The following KCNK13 variants were observed in gnomAD, a reference collection of about 807,000 sequenced individuals.
KCNK13 encodes the protein potassium two pore domain channel subfamily K member 13.
KCNK13 carries 12 observed loss-of-function variants against 23.4 expected under a neutral mutation model. The ratio of observed to expected loss-of-function variants is 0.51; its 90% CI spans 0.33 to 0.83. KCNK13 has a LOEUF of 0.83. KCNK13 is among the 40% of genes least tolerant of loss of function. The pLI is 0.02. For synonymous variants in KCNK13, 231 were observed against 229.5 expected (o/e 1.01, Z -0.06); for missense variants, 463 against 556.3 (o/e 0.83, Z 1.69).
rs1451975372 is a variant in KCNK13 at position 90,062,151 on chromosome 14, G to C, written c.-55G>C. The C allele has an allele frequency of 4.2e-6, 5 of 1,181,008 alleles. No individual in the cohort carries two copies. Among genetic ancestry groups the C allele is most frequent in the Admixed American group, 4.1e-5 (1 of 24,226 alleles). The allele number at this position is 1,181,008 out of a possible 1,614,324, so 73.2% of individuals were successfully genotyped here. ...CCTTATTTCCCGGGGGTGTGGGCGAGACTCCGCCGACGCCCGGTGCCGTGG... is the reference window on the plus strand; with the variant it reads ...CCTTATTTCCCGGGGGTGTGGGCGACACTCCGCCGACGCCCGGTGCCGTGG... On this transcript the variant is annotated 5_prime_UTR_variant, in exon 1 of 2. Transcript: ENST00000282146. The surrounding 1 kb of genome is among the most constrained non-coding windows in gnomAD (Gnocchi z 4.5).
Position 90,167,274 on chromosome 14 carries a change from C to T in KCNK13, c.335-16837C>T, listed in dbSNP as rs539007548. ...TTAACCCTCGTATCGCAGTCATGAA[C>T]CAAAAGCCCAGGAGCGAAGGAAGAA... is the stretch of plus-strand genomic sequence containing the variant. On this transcript the variant is annotated intron_variant, in intron 1 of 1. Transcript: ENST00000282146. Among the ~76,000 whole-genome samples the T allele has an allele frequency of 2.2e-3, 338 of 152,268 alleles. 1 individual carries two copies. Among genetic ancestry groups the T allele is most frequent in the African/African-American group, 7.7e-3 (321 of 41,544 alleles).
intron 1 of KCNK13, among the ~76,000 whole-genome samples, chr14:90,078,748 T>C (rs1889173506): frequency 6.6e-6 from 1 of 152,074 alleles, no homozygotes; most frequent in Non-Finnish European, 1.5e-5. Context: ...AAAATAGCAA[T>C]CATCACTCCT....
At chr14:90,114,957 A>G (rs1048858876) in intron 1 of KCNK13, among the ~76,000 whole-genome samples, 5 of 152,222 alleles carry the variant, frequency 3.3e-5, no homozygotes, top group Non-Finnish European at 7.3e-5. Context: ...TTTGCAGAGC[A>G]GAGACTTTGG....
At chr14:90,081,593 C>T (rs191767685) in intron 1 of KCNK13, among the ~76,000 whole-genome samples, 3 of 152,182 alleles carry the variant, frequency 2.0e-5, no homozygotes, top group Non-Finnish European at 4.4e-5. Context: ...AATTCACATA[C>T]CATAAAATTC....
At chr14:90,123,924 A>G (rs1889767667) in intron 1 of KCNK13, among the ~76,000 whole-genome samples, 1 of 152,190 alleles carries the variant, frequency 6.6e-6, no homozygotes, top group Non-Finnish European at 1.5e-5. Context: ...TTTAACAGAT[A>G]GCAATGCCTC....
intron 1 of KCNK13, among the ~76,000 whole-genome samples, chr14:90,068,307 G>A (rs572291498): frequency 2.6e-5 from 4 of 152,128 alleles, no homozygotes; most frequent in East Asian, 1.9e-4. Flanking sequence ...AAAAAAGCAC[G>A]TGTTGGGCCC....
intron 1 of KCNK13, among the ~76,000 whole-genome samples, chr14:90,084,756 T>A (rs1262791254): frequency 6.6e-6 from 1 of 152,210 alleles, no homozygotes; most frequent in Non-Finnish European, 1.5e-5. Flanking sequence ...GAAATTGGTT[T>A]TGTAGATGGC....
chr14:90,094,645 CTTTTTTTTTTTTT>C (rs778654067), intron 1 of KCNK13, among the ~76,000 whole-genome samples: 3 of 111,624 alleles, frequency 2.7e-5, no homozygotes, highest in African/African-American at 3.6e-5. Flanking sequence ...TCTTTTTTTT[CTTTTTTTTTTTTT>C]TTTTTTTTTG....
chr14:90,093,679 TTC>T (rs1889375267), intron 1 of KCNK13, among the ~76,000 whole-genome samples: 1 of 152,142 alleles, frequency 6.6e-6, no homozygotes, highest in African/African-American at 2.4e-5. Context: ...CCTGTGGAGA[TTC>T]TCTGTCTCCC....
intron 1 of KCNK13, among the ~76,000 whole-genome samples, chr14:90,109,131 T>C (rs1889582808): frequency 6.6e-6 from 1 of 150,630 alleles, no homozygotes; most frequent in South Asian, 2.1e-4. Context: ...GAGCCGAGGT[T>C]GCGCCACTGC....
intron 1 of KCNK13, among the ~76,000 whole-genome samples, chr14:90,080,017 A>T (rs1427711958): frequency 6.6e-6 from 1 of 152,224 alleles, no homozygotes; most frequent in Non-Finnish European, 1.5e-5. Context: ...CTGGACACAC[A>T]CTAGTGAGAG....
At chr14:90,120,731 C>G (rs76877985) in intron 1 of KCNK13, among the ~76,000 whole-genome samples, 39,237 of 151,866 alleles carry the variant, frequency 0.26, 5,375 homozygotes, top group East Asian at 0.37. Flanking sequence ...AAAGCCAAAT[C>G]ACATCATTCT....
At chr14:90,126,368 C>A (rs1889799678) in intron 1 of KCNK13, among the ~76,000 whole-genome samples, 1 of 152,124 alleles carries the variant, frequency 6.6e-6, no homozygotes. Context: ...AACGCTGCCT[C>A]ACCTAGGAGC....
In KCNK13 at chr14:90,185,194, C is replaced by A. The variant is rs552057958; in HGVS notation, c.*191C>A. On this transcript the variant is annotated 3_prime_UTR_variant, in exon 2 of 2. Coordinates refer to ENST00000282146, the MANE Select transcript of KCNK13 (RefSeq NM_022054.4). ...CCTTCCAGGGATGGGGGGCCTGAAGCCTCGATGCTTGTCTCCTGATCCTTA... is the reference window on the plus strand; with the variant it reads ...CCTTCCAGGGATGGGGGGCCTGAAGACTCGATGCTTGTCTCCTGATCCTTA... 1.9e-6 allele frequency: 1 copy of A among 522,986 alleles called. No individual in the cohort carries two copies. The highest frequency in any genetic ancestry group is 3.3e-6 in the Non-Finnish European group (1 of 299,158). The allele number at this position is 522,986 out of a possible 1,614,324, so 32.4% of individuals were successfully genotyped here.
chr14:90,175,442 T>C (rs924830748), intron 1 of KCNK13, among the ~76,000 whole-genome samples: 1 of 152,204 alleles, frequency 6.6e-6, no homozygotes, highest in African/African-American at 2.4e-5. Context: ...CTGCCCTCAA[T>C]TGGAGGCTGT....
intron 1 of KCNK13, among the ~76,000 whole-genome samples, chr14:90,104,777 C>CTTTCT (rs1195583680): frequency 1.2e-4 from 17 of 140,146 alleles, no homozygotes; most frequent in Non-Finnish European, 1.7e-4. Context: ...GGATCAGCTA[C>CTTTCT]TTTCTTTTCT....
At chr14:90,183,943 G>A (rs1013512692) in intron 1 of KCNK13, among the ~76,000 whole-genome samples, 168 bp from the exon 2 acceptor site, 3 of 152,146 alleles carry the variant, frequency 2.0e-5, no homozygotes, top group Non-Finnish European at 4.4e-5. Flanking sequence ...ACAACACTTA[G>A]TGTCTTCAAA....
At chr14:90,174,285 G>T (rs1468776268) in intron 1 of KCNK13, among the ~76,000 whole-genome samples, 1 of 152,044 alleles carries the variant, frequency 6.6e-6, no homozygotes, top group Non-Finnish European at 1.5e-5. Flanking sequence ...ACCCCAGCCT[G>T]GGCAACAAGA....
At chr14:90,142,864 A>G (rs1890025641) in intron 1 of KCNK13, among the ~76,000 whole-genome samples, 1 of 152,222 alleles carries the variant, frequency 6.6e-6, no homozygotes, top group Non-Finnish European at 1.5e-5. Flanking sequence ...CACCTTAACA[A>G]AAGATCAATA....
Sources: gnomAD v4.1 joint callset for allele counts (sites outside exome capture counted in the v4.1 genomes callset) on GRCh38, gnomAD v4.1.1 for gene constraint, Gnocchi (gnomAD v3.1) non-coding constraint, MANE v1.5 for transcripts, NCBI Gene and HGNC (gene_info 2026-07-23, HGNC 2026-07-21) for gene names.